The following MDGA2 variants were observed in gnomAD, a reference collection of about 807,000 sequenced individuals.
MDGA2 encodes the protein MAM domain containing glycosylphosphatidylinositol anchor 2, also known as MAM domain-containing glycosylphosphatidylinositol anchor protein 2.
MDGA2 carries 40 observed loss-of-function variants against 117.8 expected under a neutral mutation model. That is an observed-to-expected ratio of 0.34 (90% confidence interval 0.26 to 0.44). The LOEUF (loss-of-function observed/expected upper bound fraction) is 0.44, where lower values mean the gene tolerates loss of function less well. Among genes scored for constraint, MDGA2 ranks in the 20% least tolerant of loss-of-function variants. The probability of loss-of-function intolerance (pLI) is 1.00; values close to 1 mark genes in which losing one functional copy is unlikely to be tolerated. For missense variants in MDGA2, 1,123 were observed against 1,250.6 expected (o/e 0.90, Z 1.54); for synonymous variants, 452 against 439.0 (o/e 1.03, Z -0.37).
chr14:47,165,186 A>T (rs949113281), intron 3 of MDGA2, among the ~76,000 whole-genome samples: 3 of 152,086 alleles, frequency 2.0e-5, no homozygotes, highest in African/African-American at 7.2e-5. Context: ...ACCAACATGG[A>T]ACATATATAC....
At chr14:47,281,075 TATAAA>T (rs893315494) in intron 2 of MDGA2, among the ~76,000 whole-genome samples, 112 of 148,400 alleles carry the variant, frequency 7.5e-4, no homozygotes, top group Middle Eastern at 3.6e-3. Context: ...ATTAATATAA[TATAAA>T]ATAAAATATA....
rs556326192 is a variant in MDGA2 at position 47,214,433 on chromosome 14, C to T, written c.595+3588G>A. Among the ~76,000 whole-genome samples, 219 of 152,042 alleles carry T rather than the reference C, an allele frequency of 1.4e-3. 1 individual carries two copies. The highest frequency in any genetic ancestry group is 5.0e-3 in the African/African-American group (206 of 41,492). On this transcript the variant is annotated intron_variant, in intron 3 of 16. Coordinates refer to ENST00000399232, the MANE Select transcript of MDGA2 (RefSeq NM_001113498.3). ...TTCTTAAATGATAAAATTATAGGTC[C>T]TATAAATTGAGGAACATGATTATAA... is the stretch of plus-strand genomic sequence containing the variant.
chr14:47,337,005 T>C (rs942346209), intron 1 of MDGA2, among the ~76,000 whole-genome samples: 1 of 151,986 alleles, frequency 6.6e-6, no homozygotes, highest in Admixed American at 6.6e-5. Context: ...AACATAAATA[T>C]GTATCTGTAC....
At chr14:47,229,742 A>G (rs750325389) in intron 2 of MDGA2, among the ~76,000 whole-genome samples, 2 of 152,022 alleles carry the variant, frequency 1.3e-5, no homozygotes, top group Non-Finnish European at 2.9e-5. Context: ...TTAATGGCCT[A>G]AAACAGGAAA....
chr14:47,257,690 C>T (rs1345268313), intron 2 of MDGA2, among the ~76,000 whole-genome samples: 5 of 152,076 alleles, frequency 3.3e-5, no homozygotes, highest in African/African-American at 4.8e-5. Context: ...ATTAGTGAAT[C>T]ACTTTTTATA....
At chr14:47,277,888 T>A (rs1594768618) in intron 2 of MDGA2, among the ~76,000 whole-genome samples, 1 of 152,230 alleles carries the variant, frequency 6.6e-6, no homozygotes, top group Non-Finnish European at 1.5e-5. Context: ...AACCTCACCC[T>A]AAGTAAGAAT....
intron 1 of MDGA2, chr14:47,626,533 T>A (rs1396389585): frequency 3.3e-5 from 5 of 152,682 alleles, no homozygotes; most frequent in African/African-American, 1.2e-4. Context: ...GCCGGCTCCC[T>A]CAGCTTGCAG....
At chr14:47,505,361 T>C (rs923242535) in intron 1 of MDGA2, among the ~76,000 whole-genome samples, 2 of 152,144 alleles carry the variant, frequency 1.3e-5, no homozygotes, top group African/African-American at 2.4e-5. Context: ...CTTTTGAATG[T>C]TCTCACCGCA....
At chr14:47,200,288 A>C (rs1449921519) in intron 3 of MDGA2, among the ~76,000 whole-genome samples, 1 of 152,014 alleles carries the variant, frequency 6.6e-6, no homozygotes, top group African/African-American at 2.4e-5. Context: ...TTGCTGAAGT[A>C]AAATGTAATC....
chr14:47,578,513 A>T (rs1190284092), intron 1 of MDGA2, among the ~76,000 whole-genome samples: 1 of 152,162 alleles, frequency 6.6e-6, no homozygotes, highest in Admixed American at 6.5e-5. Context: ...ACTCTATGGA[A>T]ATTATCAAAA....
At chr14:46,886,773 T>G (rs1882692808) in intron 10 of MDGA2, among the ~76,000 whole-genome samples, 1 of 152,096 alleles carries the variant, frequency 6.6e-6, no homozygotes, top group Non-Finnish European at 1.5e-5. Context: ...GACAGTGCTC[T>G]CTCTCATATT....
At chr14:47,377,616 T>C (rs1891509565) in intron 1 of MDGA2, among the ~76,000 whole-genome samples, 2 of 152,064 alleles carry the variant, frequency 1.3e-5, no homozygotes, top group South Asian at 4.2e-4. Context: ...TGCTCACTGC[T>C]AGCACAGCAG....
At chr14:47,236,208 G>A (rs542816252) in intron 2 of MDGA2, among the ~76,000 whole-genome samples, 6 of 147,308 alleles carry the variant, frequency 4.1e-5, no homozygotes, top group Non-Finnish European at 7.4e-5. Flanking sequence ...AGAGAATGGC[G>A]TCAACCCAGG....
chr14:47,207,997 A>G lies in MDGA2; in HGVS notation c.595+10024T>C, dbSNP rs187688713. Among the ~76,000 whole-genome samples the G allele has an allele frequency of 3.3e-5, 5 of 152,202 alleles. No individual in the cohort carries two copies. In the East Asian group the frequency reaches 9.6e-4, roughly 29 times the overall value. On this transcript the variant is annotated intron_variant, in intron 3 of 16. Coordinates refer to ENST00000399232, the MANE Select transcript of MDGA2 (RefSeq NM_001113498.3). ...AGTTTTTGAAAATATCAAGTATTGA[A>G]GCAAGGTCAGATGTACTCTCTGACA...
At chr14:47,488,132 A>G (rs1894097709) in intron 1 of MDGA2, among the ~76,000 whole-genome samples, 1 of 152,138 alleles carries the variant, frequency 6.6e-6, no homozygotes, top group African/African-American at 2.4e-5. Context: ...AGTTTAAATG[A>G]ATATTTTATT....
chr14:47,061,657 T>C, intron 6 of MDGA2, 79 bp from the exon 7 acceptor site: 1 of 1,162,434 alleles, frequency 8.6e-7, no homozygotes, highest in Non-Finnish European at 1.2e-6. Flanking sequence ...TAATCATCTC[T>C]GAGCTGAAAT....
At chr14:47,028,592 CAATA>C (rs1888555357) in intron 8 of MDGA2, among the ~76,000 whole-genome samples, 1 of 152,052 alleles carries the variant, frequency 6.6e-6, no homozygotes, top group Non-Finnish European at 1.5e-5. Context: ...ATGGAGCTAT[CAATA>C]AAGATCTTTC....
At chr14:47,510,432 A>AT (rs1431553463) in intron 1 of MDGA2, among the ~76,000 whole-genome samples, 2 of 152,220 alleles carry the variant, frequency 1.3e-5, no homozygotes, top group East Asian at 3.9e-4. Flanking sequence ...TAAATAAGAC[A>AT]TGAAAAGCCC....
chr14:47,131,847 C>A lies in MDGA2; in HGVS notation c.793-1G>T. ...TTAGTTTTAAGATCTTTGTTTCACC[C>A]TGAAAATGTACACAAAAAATAAAAG... is the stretch of plus-strand genomic sequence containing the variant. On this transcript the variant is annotated splice_acceptor_variant, in intron 4 of 16. Coordinates refer to ENST00000399232, the MANE Select transcript of MDGA2 (RefSeq NM_001113498.3). LOFTEE classifies it high-confidence loss of function. 1.9e-6 allele frequency: 3 copies of A among 1,560,456 alleles called. No individual in the cohort carries two copies. Among genetic ancestry groups the A allele is most frequent in the South Asian group, 1.2e-5 (1 of 84,260 alleles).
Sources: gnomAD v4.1 joint callset for allele counts (sites outside exome capture counted in the v4.1 genomes callset) on GRCh38, gnomAD v4.1.1 for gene constraint, MANE v1.5 for transcripts, NCBI Gene and HGNC (gene_info 2026-07-23, HGNC 2026-07-21) for gene names.